The following SLIT1 variants were observed in gnomAD, a reference collection of about 807,000 sequenced individuals.
The protein encoded by SLIT1 is slit homolog 1 protein.
In SLIT1, 66 loss-of-function variants were observed where a neutral mutation model predicts 186.1. That is an observed-to-expected ratio of 0.35 (90% CI 0.29 to 0.44). The LOEUF (loss-of-function observed/expected upper bound fraction) is 0.44, where lower values mean the gene tolerates loss of function less well. Among genes scored for constraint, SLIT1 ranks in the 20% least tolerant of loss-of-function variants. SLIT1 has a pLI of 1.00. For missense variants in SLIT1, 1,638 were observed against 2,037.4 expected (o/e 0.80, Z 3.77); for synonymous variants, 761 against 833.8 (o/e 0.91, Z 1.50).
At chr10:97,072,990 C>A (rs1849013565) in intron 4 of SLIT1, among the ~76,000 whole-genome samples, 1 of 152,228 alleles carries the variant, frequency 6.6e-6, no homozygotes, top group African/African-American at 2.4e-5. Context: ...CGAAGCACAG[C>A]CTAAGCAACC....
chr10:97,013,858 C>A, intron 29 of SLIT1, 24 bp from the exon 30 acceptor site: 1 of 1,548,240 alleles, frequency 6.5e-7, no homozygotes. Context: ...GAGCAAGGGG[C>A]AGGAGAGAAG....
At position 97,047,771 on chromosome 10, in the gene SLIT1, C is replaced by A. The variant is rs373698645; in HGVS notation, c.1553G>T (p.Arg518Leu). ...GCACTCCACCACGTTGGCCTCACAG[C>A]GGCACTTGTGGGGACAGACCACGTC... Reference protein sequence around the residue: ...NSDVVCPHKCRCEANVVECSS... With the variant: ...NSDVVCPHKCLCEANVVECSS... Residue 518 changes from arginine (R) to leucine (L), a missense_variant, in exon 16 of 37, where the codon CGC (arginine) becomes CTC (leucine). By Grantham distance (102) the Arg-to-Leu change is moderately radical (BLOSUM62 -2). Coordinates refer to ENST00000266058, the MANE Select transcript of SLIT1 (RefSeq NM_003061.3). 1.2e-6 allele frequency: 2 copies of A among 1,614,058 alleles called. No homozygotes were observed. Among genetic ancestry groups the A allele is most frequent in the Non-Finnish European group, 8.5e-7 (1 of 1,180,002 alleles).
chr10:97,159,392 A>T (rs975407861), intron 3 of SLIT1, among the ~76,000 whole-genome samples: 7 of 147,326 alleles, frequency 4.8e-5, no homozygotes, highest in African/African-American at 1.5e-4. Context: ...GGATAAAATC[A>T]TCAATACAAT....
At chr10:97,170,875 G>A (rs990630032) in intron 1 of SLIT1, among the ~76,000 whole-genome samples, 18 of 152,106 alleles carry the variant, frequency 1.2e-4, no homozygotes, top group Admixed American at 5.9e-4. Context: ...GGGATTTCCC[G>A]GGGCTGCAAG....
At chr10:97,051,385 G>A (rs1848785041) in intron 13 of SLIT1, among the ~76,000 whole-genome samples, 1 of 152,126 alleles carries the variant, frequency 6.6e-6, no homozygotes, top group South Asian at 2.1e-4. Context: ...GTGAGGATTA[G>A]AATGAGAGAA....
chr10:97,116,379 C>T (rs1383528640), intron 4 of SLIT1, among the ~76,000 whole-genome samples: 1 of 152,178 alleles, frequency 6.6e-6, no homozygotes, highest in Non-Finnish European at 1.5e-5. Flanking sequence ...GGTTCTTCCT[C>T]CTTAGGGCCT....
chr10:97,038,828 G>C (rs921453454), intron 21 of SLIT1, among the ~76,000 whole-genome samples: 1 of 152,104 alleles, frequency 6.6e-6, no homozygotes, highest in Non-Finnish European at 1.5e-5. Flanking sequence ...GGCAGTCCTC[G>C]TCCACATACC....
chr10:97,108,312 CT>C (rs1392470564), intron 4 of SLIT1, among the ~76,000 whole-genome samples: 1 of 152,228 alleles, frequency 6.6e-6, no homozygotes, highest in Non-Finnish European at 1.5e-5. Context: ...ATCACTTCAC[CT>C]CTCCGTGCCT....
intron 4 of SLIT1, among the ~76,000 whole-genome samples, chr10:97,086,707 T>A (rs1409070302): frequency 2.0e-5 from 3 of 151,824 alleles, no homozygotes; most frequent in African/African-American, 7.3e-5. Flanking sequence ...AAGGCAAAAT[T>A]ATGGAGAGAG....
In SLIT1 at chr10:97,043,052, G is replaced by A; in HGVS notation, c.2013C>T (p.Asn671=). The change falls in exon 20 of 37, where the codon AAC becomes AAT. Residue 671 remains asparagine (N), a synonymous_variant. Transcript: ENST00000266058. This position sits in a 1 kb window ranked among gnomAD's most constrained non-coding sequence, Gnocchi z 7.0. The part of the protein sequence containing the change: ...QSLSTLNLLA[N]PFNCNCQLAW... ...CCAGCTGGCAGTTGCAGTTGAAAGG[G>A]TTGGCCAGGAGATTCCTGGAAGAGG... The A allele has an allele frequency of 6.2e-7, 1 of 1,614,078 alleles. No homozygotes were observed. The highest frequency in any genetic ancestry group is 8.5e-7 in the Non-Finnish European group (1 of 1,179,946).
intron 18 of SLIT1, among the ~76,000 whole-genome samples, chr10:97,045,259 T>C (rs1848724794): frequency 6.6e-6 from 1 of 152,034 alleles, no homozygotes; most frequent in African/African-American, 2.4e-5. Context: ...ATATAATACC[T>C]AGTCATTCAA....
chr10:97,120,633 G>C (rs1204053968), intron 4 of SLIT1, among the ~76,000 whole-genome samples: 1 of 152,318 alleles, frequency 6.6e-6, no homozygotes, highest in African/African-American at 2.4e-5. Flanking sequence ...CCTGCTGAGG[G>C]TGCAGGCTAA....
intron 4 of SLIT1, among the ~76,000 whole-genome samples, chr10:97,116,918 A>G (rs1849514922): frequency 6.6e-6 from 1 of 152,052 alleles, no homozygotes; most frequent in Admixed American, 6.5e-5. Flanking sequence ...TCCACCCGTC[A>G]GCTTGTTACC....
chr10:97,043,520 A>C lies in SLIT1; in HGVS notation c.1854-7T>G, dbSNP rs757273772. On this transcript the variant is annotated splice_region_variant and splice_polypyrimidine_tract_variant and intron_variant, in intron 18 of 36. Coordinates refer to ENST00000266058, the MANE Select transcript of SLIT1 (RefSeq NM_003061.3). This position sits in a 1 kb window ranked among gnomAD's most constrained non-coding sequence, Gnocchi z 7.0. ...GCGGTTGTTCCGCAGCATTCTGGGGAGGAACGGGGGAGGGAGGAGGGGACC... is the reference window on the plus strand; with the variant it reads ...GCGGTTGTTCCGCAGCATTCTGGGGCGGAACGGGGGAGGGAGGAGGGGACC... 65 of 1,599,580 alleles carry C rather than the reference A, an allele frequency of 4.1e-5. No individual in the cohort carries two copies. The highest frequency in any genetic ancestry group is 5.4e-5 in the Non-Finnish European group (63 of 1,169,792).
intron 4 of SLIT1, among the ~76,000 whole-genome samples, chr10:97,070,698 T>A (rs1022427402): frequency 1.3e-5 from 2 of 152,348 alleles, no homozygotes; most frequent in Admixed American, 1.3e-4. Context: ...AGGCACTGTC[T>A]ATGAAGCCGG....
At chr10:97,059,397 G>A in intron 11 of SLIT1, 63 bp downstream of exon 11, 1 of 1,363,808 alleles carries the variant, frequency 7.3e-7, no homozygotes, top group Admixed American at 1.7e-5. Flanking sequence ...AGGACCCTGG[G>A]CCCTGCCAGC....
chr10:97,152,686 C>G (rs112573195), intron 4 of SLIT1, among the ~76,000 whole-genome samples: 1 of 152,230 alleles, frequency 6.6e-6, no homozygotes, highest in South Asian at 2.1e-4. Flanking sequence ...GGTTTCCTAC[C>G]GTAAACGTAA....
intron 20 of SLIT1, among the ~76,000 whole-genome samples, chr10:97,040,373 G>T (rs374925228): frequency 4.6e-5 from 7 of 152,266 alleles, no homozygotes; most frequent in African/African-American, 1.7e-4. Flanking sequence ...AAGTGGACCT[G>T]GTCAAAGTAG....
Position 97,002,350 on chromosome 10 carries a change from C to A in SLIT1, c.4174G>T (p.Val1392Leu). The change falls in exon 36 of 37, where the codon GTG (valine) becomes TTG (leucine). Residue 1392 changes from valine (V) to leucine (L), a missense_variant. Around this residue, in one of 3 missense-constraint regions of SLIT1, gnomAD observed 220 missense variants for 211.3 expected, o/e 1.04. Coordinates refer to ENST00000266058, the MANE Select transcript of SLIT1 (RefSeq NM_003061.3). ...HGHKCVHGQC[V>L]PLDALSYSCQ... ...CTGTAGGAAAGAGCGTCGAGGGGCA[C>A]GCATTGCCCATGGACACACCTGGAG... 1.2e-6 allele frequency: 2 copies of A among 1,607,472 alleles called. No individual in the cohort carries two copies. The highest frequency in any genetic ancestry group is 4.5e-5 in the East Asian group (2 of 44,780).
Sources: gnomAD v4.1 joint callset for allele counts (sites outside exome capture counted in the v4.1 genomes callset) on GRCh38, gnomAD v4.1.1 for gene constraint, gnomAD v4.1.1 regional missense constraint, Gnocchi (gnomAD v3.1) non-coding constraint, MANE v1.5 for transcripts, NCBI Gene and HGNC (gene_info 2026-07-23, HGNC 2026-07-21) for gene names.